Variants in RGS11 observed in about 807,000 individuals in gnomAD.
The protein encoded by RGS11 is regulator of G-protein signaling 11.
Under a neutral mutation model 71.1 loss-of-function variants are expected in RGS11, and 86 were observed. That is an observed-to-expected ratio of 1.21 (90% CI 1.02 to 1.45). RGS11 has a LOEUF of 1.45. Among genes scored for constraint, RGS11 ranks in the 40% most tolerant of loss-of-function variants. The probability of loss-of-function intolerance (pLI) is 0.00; values close to 1 mark genes in which losing one functional copy is unlikely to be tolerated. For synonymous variants in RGS11, 298 were observed against 254.2 expected, an observed-to-expected ratio of 1.17 and a Z score of -1.64; for missense variants, 734 against 635.1, an observed-to-expected ratio of 1.16 and a Z score of -1.67.
intron 15 of RGS11, 77 bp downstream of exon 15, chr16:270,446 A>C: frequency 6.8e-7 from 1 of 1,478,376 alleles, no homozygotes; most frequent in Non-Finnish European, 9.1e-7. Flanking sequence ...CTGTGCGGAC[A>C]GAGCCCTTGA....
At position 271,263 on chromosome 16, in the gene RGS11, AC is replaced by A. The variant is rs2051924710; in HGVS notation, c.801del (p.Cys268AlafsTer17). 1.2e-6 allele frequency: 2 copies of A among 1,612,760 alleles called. No individual in the cohort carries two copies. The highest frequency in any genetic ancestry group is 1.7e-4 in the Middle Eastern group (1 of 6,056). On this transcript the variant is annotated frameshift_variant, in exon 12 of 17. Transcript: ENST00000397770. LOFTEE classifies it high-confidence loss of function. ...QRGPHDPLVSGCLPSNPWISD... is the reference protein window; with the variant it reads ...QRGPHDPLVSXCLPSNPWISD... The stretch of plus-strand genomic sequence containing the variant: ...GAGATCCAGGGATTGCTGGGCAGGC[AC>A]CCCGACACGAGGGGATCGTGGGGTC...
intron 9 of RGS11, 151 bp downstream of exon 9, chr16:272,712 G>T: frequency 1.3e-6 from 2 of 1,486,558 alleles, no homozygotes; most frequent in South Asian, 2.6e-5. Flanking sequence ...AACAGGGAGT[G>T]ACCGGGAGTG....
At chr16:269,670 T>A in intron 15 of RGS11, 85 bp from the exon 16 acceptor site, 1 of 1,071,840 alleles carries the variant, frequency 9.3e-7, no homozygotes, top group Non-Finnish European at 1.4e-6. Flanking sequence ...CAAACATTGC[T>A]GGAGCCTCCT....
chr16:274,683 G>A (rs1386618498), intron 4 of RGS11: 1 of 672,222 alleles, frequency 1.5e-6, no homozygotes, highest in South Asian at 1.5e-5. Context: ...CCTGGGCCTA[G>A]GGACCCCCAG....
At chr16:273,586 G>C (rs747649492) in intron 7 of RGS11, 30 bp from the exon 8 acceptor site, 4 of 1,546,036 alleles carry the variant, frequency 2.6e-6, no homozygotes, top group Non-Finnish European at 3.5e-6. Context: ...TTGAGGGCAC[G>C]CCCTGCACAC....
rs2141396365 is a variant in RGS11, at chr16:269,083, G to A, written c.*186C>T. 1 of 949,890 alleles carries A rather than the reference G, an allele frequency of 1.1e-6. No homozygotes were observed. Among genetic ancestry groups the A allele is most frequent in the East Asian group, 2.6e-5 (1 of 38,136 alleles). 58.8% of individuals were successfully genotyped at this position (949,890 alleles called of 1,614,324 possible). Reference sequence around the variant, plus strand: ...ATCCACACCTGGACCCATTCCTTCTGGGCAGGGAGGGCTTGCTGGAGGGAG... The same window carrying A: ...ATCCACACCTGGACCCATTCCTTCTAGGCAGGGAGGGCTTGCTGGAGGGAG... On this transcript the variant is annotated 3_prime_UTR_variant, in exon 17 of 17. Transcript: ENST00000397770.
chr16:272,400 G>A (rs2051978440), intron 9 of RGS11: 7 of 1,294,358 alleles, frequency 5.4e-6, no homozygotes, highest in South Asian at 1.2e-5. Context: ...TCCAGATGTT[G>A]GGTCTGGATG....
chr16:275,142 C>CG, intron 3 of RGS11, 60 bp from the exon 4 acceptor site: 1 of 1,515,590 alleles, frequency 6.6e-7, no homozygotes, highest in South Asian at 1.3e-5. Context: ...CGGGACGAGC[C>CG]GGGCCTCCTC....
intron 4 of RGS11, chr16:274,542 A>C: frequency 1.7e-6 from 1 of 593,858 alleles, no homozygotes. Context: ...GGGGGCCTGC[A>C]CAAGTCTTGG....
At position 271,538 on chromosome 16, in the gene RGS11, A is replaced by G. The variant is rs200711536; in HGVS notation, c.687+2T>C. ...CCCTCCACTCCCAGCTCCAGAACTTACCTCCCGCTTATGGAAATCTGCACT... is the reference window on the plus strand; with the variant it reads ...CCCTCCACTCCCAGCTCCAGAACTTGCCTCCCGCTTATGGAAATCTGCACT... On this transcript the variant is annotated splice_donor_variant, in intron 10 of 16. Transcript: ENST00000397770. LOFTEE classifies it high-confidence loss of function. 47 of 1,613,772 alleles carry G rather than the reference A, an allele frequency of 2.9e-5. No individual in the cohort carries two copies. Among genetic ancestry groups the G allele is most frequent in the Non-Finnish European group, 3.8e-5 (45 of 1,179,986 alleles).
At chr16:272,149 T>C in intron 9 of RGS11, 5 of 1,142,938 alleles carry the variant, frequency 4.4e-6, no homozygotes, top group Non-Finnish European at 5.4e-6. Flanking sequence ...TATGTCACAT[T>C]TTCAAATGTA....
Position 270,649 on chromosome 16 carries a change from G to C in RGS11, c.1080C>G (p.Ala360=), listed in dbSNP as rs1004093406. 5 of 1,609,918 alleles carry C rather than the reference G, an allele frequency of 3.1e-6. No homozygotes were observed. Among genetic ancestry groups the C allele is most frequent in the Non-Finnish European group, 4.2e-6 (5 of 1,178,866 alleles). ...TGTTGACCCAGTGGGCAGCTCCGGGGGCCAGGAACTGCCTAGGGGTGGGGA... is the reference window on the plus strand; with the variant it reads ...TGTTGACCCAGTGGGCAGCTCCGGGCGCCAGGAACTGCCTAGGGGTGGGGA... The part of the protein sequence containing the change: ...LVDAVYEQFL[A]PGAAHWVNID... Residue 360 remains alanine (A), a synonymous_variant, in exon 15 of 17, where the codon GCC becomes GCG. Transcript: ENST00000397770.
intron 4 of RGS11, chr16:274,721 G>T (rs1339269061): frequency 1.4e-6 from 1 of 693,960 alleles, no homozygotes; most frequent in South Asian, 1.5e-5. Context: ...CTGCACATAC[G>T]ACCCCTTGTG....
chr16:273,065 G>T (rs1299942607), intron 8 of RGS11, 134 bp from the exon 9 acceptor site: 7 of 826,700 alleles, frequency 8.5e-6, no homozygotes, highest in Non-Finnish European at 1.3e-5. Context: ...CGACCTAGCC[G>T]TCAGCTGTCT....
rs2052101433 is a variant in RGS11 at position 274,977 on chromosome 16, T to A, written c.317A>T (p.Gln106Leu). 6.5e-7 allele frequency: 1 copy of A among 1,542,678 alleles called. No individual in the cohort carries two copies. Among genetic ancestry groups the A allele is most frequent in the Non-Finnish European group, 8.8e-7 (1 of 1,142,636 alleles). ...LRPDETPYRFQTPYFWTSTLR... is the reference protein window; with the variant it reads ...LRPDETPYRFLTPYFWTSTLR... ...CCCACCTGCACCCCCGAGCCTGACC[T>A]GGAACCTGTAGGGCGTCTCGTCTGG... is the stretch of plus-strand genomic sequence containing the variant. The change falls in exon 4 of 17, where the codon CAG becomes CTG. Residue 106 changes from glutamine to leucine, a missense_variant and splice_region_variant. Coordinates refer to ENST00000397770, the MANE Select transcript of RGS11 (RefSeq NM_183337.3).
In RGS11 at chr16:273,785, G is replaced by A. The variant is rs369367441; in HGVS notation, c.481C>T (p.Leu161=). 11 of 1,612,988 alleles carry A rather than the reference G, an allele frequency of 6.8e-6. No individual in the cohort carries two copies. Among genetic ancestry groups the A allele is most frequent in the Admixed American group, 6.7e-5 (4 of 60,012 alleles). ...KKINHAWDLV[L]MQAREQLRAA... ...CTCAGCTGCTCCCTCGCCTGCATCA[G>A]CACCAGGTCCCATGCGTGGTTGATC... Residue 161 remains leucine (L), a synonymous_variant, in exon 7 of 17, where the codon CTG becomes TTG. Coordinates refer to ENST00000397770, the MANE Select transcript of RGS11 (RefSeq NM_183337.3).
At position 269,577 on chromosome 16, in the gene RGS11, GT is replaced by G; in HGVS notation, c.1214del (p.Tyr405SerfsTer5). The G allele has an allele frequency of 6.2e-7, 1 of 1,612,972 alleles. No individual in the cohort carries two copies. The highest frequency in any genetic ancestry group is 8.5e-7 in the Non-Finnish European group (1 of 1,179,566). On this transcript the variant is annotated frameshift_variant, in exon 16 of 17. Coordinates refer to ENST00000397770, the MANE Select transcript of RGS11 (RefSeq NM_183337.3). LOFTEE classifies it high-confidence loss of function. ...HIYMLMKKDS[Y>X]PRFLKSDMYK... The stretch of plus-strand genomic sequence containing the variant: ...ACATGTCAGACTTCAGGAACCTTGG[GT>G]AGGAGTCCTACAAGAGACAGCGTCC...
At position 268,686 on chromosome 16, in the gene RGS11, C is replaced by T. The variant is rs550288128; in HGVS notation, c.*583G>A. 37 of 1,372,794 alleles carry T rather than the reference C, an allele frequency of 2.7e-5. No homozygotes were observed. Among genetic ancestry groups the T allele is most frequent in the East Asian group, 1.8e-4 (7 of 39,638 alleles). 85.0% of individuals were successfully genotyped at this position (1,372,794 alleles called of 1,614,324 possible). ...GCGCACCTGTGGACAAATTCTGGAA[C>T]GCGTTTGGCGAGGGAGGAATAGGCG... On this transcript the variant is annotated 3_prime_UTR_variant, in exon 17 of 17. Transcript: ENST00000397770.
In RGS11 at chr16:269,041, G is replaced by A; in HGVS notation, c.*228C>T. ...CTGCCCTGACCCAAGCTGAGCCAAT[G>A]AACCCCCTCCCTGGGAATCCACACC... On this transcript the variant is annotated 3_prime_UTR_variant, in exon 17 of 17. Coordinates refer to ENST00000397770, the MANE Select transcript of RGS11 (RefSeq NM_183337.3). The A allele has an allele frequency of 8.4e-7, 1 of 1,186,588 alleles. No homozygotes were observed. Among genetic ancestry groups the A allele is most frequent in the Middle Eastern group, 2.0e-4 (1 of 5,110 alleles). The allele number at this position is 1,186,588 out of a possible 1,614,324, so 73.5% of individuals were successfully genotyped here. A position where few individuals can be genotyped will look rare whatever the true frequency, so the allele number is the denominator to read the frequency against.
Sources: allele counts gnomAD v4.1 joint callset, GRCh38; gene constraint gnomAD v4.1.1; transcripts MANE v1.5; gene names NCBI Gene and HGNC (gene_info 2026-07-23, HGNC 2026-07-21).